Variants in CCDC88C observed in about 807,000 individuals in gnomAD.
The protein encoded by CCDC88C is coiled-coil and HOOK domain protein 88C, also known as protein Daple.
CCDC88C carries 131 observed loss-of-function variants against 198.8 expected under a neutral mutation model. The observed-to-expected ratio is 0.66, with a 90% CI of 0.57 to 0.76. The LOEUF (loss-of-function observed/expected upper bound fraction) is 0.76, where lower values mean the gene tolerates loss of function less well. CCDC88C is among the 30% of genes least tolerant of loss of function. The pLI is 0.00. For missense variants in CCDC88C, 2,553 were observed against 2,631.6 expected (o/e 0.97, Z 0.65); for synonymous variants, 1,166 against 1,114.7 (o/e 1.05, Z -0.92).
intron 15 of CCDC88C, among the ~76,000 whole-genome samples, chr14:91,311,810 C>A (rs10131829): frequency 2.6e-5 from 4 of 152,154 alleles, no homozygotes; most frequent in Admixed American, 2.6e-4. Flanking sequence ...GAGACTAACA[C>A]GTTCACACTC....
chr14:91,312,888 G>C (rs774285105), intron 15 of CCDC88C, among the ~76,000 whole-genome samples, 192 bp downstream of exon 15: 1 of 152,210 alleles, frequency 6.6e-6, no homozygotes, highest in African/African-American at 2.4e-5. Context: ...TATGAGAAGC[G>C]TTATCTCTGG....
rs4904766 is a variant in CCDC88C, at chr14:91,346,158, T to C, written c.341-2501A>G. On this transcript the variant is annotated intron_variant, in intron 4 of 29. Coordinates refer to ENST00000389857, the MANE Select transcript of CCDC88C (RefSeq NM_001080414.4). ...CCTGGGTATAAGTAGTGAATGAATA[T>C]GCGACCTCCTCCTAAGACCCCTCAA... 4.1e-3 allele frequency among the ~76,000 whole-genome samples: 627 copies of C among 152,328 alleles called. 1 individual carries two copies. Among genetic ancestry groups the C allele is most frequent in the Middle Eastern group, 0.01 (3 of 294 alleles).
chr14:91,302,011 G>C (rs1047111535), intron 20 of CCDC88C, among the ~76,000 whole-genome samples: 2 of 152,216 alleles, frequency 1.3e-5, no homozygotes, highest in African/African-American at 4.8e-5. Context: ...TAGTCTTATA[G>C]TTTCAGATGC....
In CCDC88C at chr14:91,338,806, T is replaced by A. The variant is rs1178781126; in HGVS notation, c.810-236A>T. 6 of 537,576 alleles carry A rather than the reference T, an allele frequency of 1.1e-5. No homozygotes were observed. The highest frequency in any genetic ancestry group is 2.0e-5 in the Non-Finnish European group (6 of 297,670). 33.3% of individuals were successfully genotyped at this position (537,576 alleles called of 1,614,324 possible). On this transcript the variant is annotated intron_variant, in intron 8 of 29. Transcript: ENST00000389857. This position sits in a 1 kb window ranked among gnomAD's most constrained non-coding sequence, Gnocchi z 4.8. ...TGTCCATCCGCCACTCAGGTCTCCC[T>A]CCCTGTGTGTGGGGCAGGTAAGGAG...
chr14:91,357,888 A>G (rs533845085), intron 4 of CCDC88C, among the ~76,000 whole-genome samples: 10 of 152,246 alleles, frequency 6.6e-5, no homozygotes, highest in Non-Finnish European at 1.0e-4. Context: ...CTGGCAGGGG[A>G]GCAGAACCAA....
At position 91,313,898 on chromosome 14, in the gene CCDC88C, G is replaced by A. The variant is rs1258213462; in HGVS notation, c.1918C>T (p.Leu640Phe). Residue 640 changes from leucine (L) to phenylalanine (F), a missense_variant, in exon 15 of 30, where the codon CTC (leucine) becomes TTC (phenylalanine). By Grantham distance (22) the Leu-to-Phe change is conservative. Around this residue, in one of 2 missense-constraint regions of CCDC88C, gnomAD observed 1,260 missense variants for 1,412.0 expected, o/e 0.89. Transcript: ENST00000389857. This position sits in a 1 kb window ranked among gnomAD's most constrained non-coding sequence, Gnocchi z 5.2. The part of the protein sequence containing the change: ...AEKLERELQR[L>F]QEENGRLARK... ...GCCAGCCTCCCGTTCTCCTCCTGGA[G>A]TCGCTGTAGCTCCCTCTCCAGCTTC... 1 of 1,610,560 alleles carries A rather than the reference G, an allele frequency of 6.2e-7. No homozygotes were observed. Among genetic ancestry groups the A allele is most frequent in the Non-Finnish European group, 8.5e-7 (1 of 1,179,364 alleles).
intron 19 of CCDC88C, among the ~76,000 whole-genome samples, chr14:91,304,202 C>T (rs1042853882): frequency 1.3e-5 from 2 of 152,216 alleles, no homozygotes; most frequent in Admixed American, 6.5e-5. Flanking sequence ...CTGAGCCACT[C>T]GCCACAAATG....
intron 4 of CCDC88C, among the ~76,000 whole-genome samples, chr14:91,344,970 AT>A (rs1893470668): frequency 6.6e-6 from 1 of 150,524 alleles, no homozygotes; most frequent in Admixed American, 6.6e-5. Flanking sequence ...TAACTTTTGT[AT>A]TTTTTGTAGA....
At chr14:91,348,743 T>C (rs1055100164) in intron 4 of CCDC88C, among the ~76,000 whole-genome samples, 1 of 152,192 alleles carries the variant, frequency 6.6e-6, no homozygotes, top group Non-Finnish European at 1.5e-5. Flanking sequence ...GAGAATTAAG[T>C]TTAGAAAAAT....
chr14:91,293,581 T>TCGCCTGCCACGGCCTACCTTCCTGC (rs1567055999), intron 23 of CCDC88C, among the ~76,000 whole-genome samples: 4 of 27,964 alleles, frequency 1.4e-4, no homozygotes, highest in African/African-American at 5.6e-4. Context: ...CACCTTCCTG[T>TCGCCTGCCACGGCCTACCTTCCTGC]CCCCTCGCCT....
intron 12 of CCDC88C, among the ~76,000 whole-genome samples, chr14:91,323,878 C>T (rs1767540347): frequency 6.6e-6 from 1 of 152,280 alleles, no homozygotes; most frequent in African/African-American, 2.4e-5. Context: ...GCTAACTTCT[C>T]ACACAGATTC....
intron 6 of CCDC88C, among the ~76,000 whole-genome samples, chr14:91,341,807 GCTC>G (rs902286307): frequency 6.6e-6 from 1 of 152,210 alleles, no homozygotes; most frequent in African/African-American, 2.4e-5. Flanking sequence ...AAGGCCAGGG[GCTC>G]CTCCTCCTCC....
intron 16 of CCDC88C, among the ~76,000 whole-genome samples, chr14:91,309,545 C>T (rs75170127): frequency 0.054 from 7,772 of 144,280 alleles, 241 homozygotes; most frequent in Non-Finnish European, 0.075. Context: ...GGGAGGTGGA[C>T]ATGGAGGTAA....
chr14:91,313,068 G>A lies in CCDC88C; in HGVS notation c.2736+12C>T, dbSNP rs761524251. On this transcript the variant is annotated intron_variant, in intron 15 of 29. Transcript: ENST00000389857. This position sits in a 1 kb window ranked among gnomAD's most constrained non-coding sequence, Gnocchi z 5.2. ...GCCAATCCCCTTACAGGCGCCGCCT[G>A]TGTTTGCTCACCTCCCTCAGAGTTG... The A allele has an allele frequency of 4.5e-6, 7 of 1,563,336 alleles. No homozygotes were observed. In the East Asian group the frequency reaches 9.0e-5, roughly 20 times the overall value.
At chr14:91,302,091 A>C (rs1891321677) in intron 20 of CCDC88C, among the ~76,000 whole-genome samples, 2 of 152,196 alleles carry the variant, frequency 1.3e-5, no homozygotes, top group Admixed American at 1.3e-4. Context: ...AGAGACAAAA[A>C]GGAAGCACTT....
At position 91,338,859 on chromosome 14, in the gene CCDC88C, AGCCAG is replaced by A. The variant is rs1194879544; in HGVS notation, c.810-294_810-290del. 1 of 496,640 alleles carries A rather than the reference AGCCAG, an allele frequency of 2.0e-6. No homozygotes were observed. The highest frequency in any genetic ancestry group is 1.9e-5 in the African/African-American group (1 of 51,632). The allele number at this position is 496,640 out of a possible 1,614,324, so 30.8% of individuals were successfully genotyped here. ...CCCAGCGGCAGCTGTACCACCCCACAGCCAGGCTCCACAGGTGACATCCATCAGCT... is the reference window on the plus strand; with the variant it reads ...CCCAGCGGCAGCTGTACCACCCCACAGCTCCACAGGTGACATCCATCAGCT... On this transcript the variant is annotated intron_variant, in intron 8 of 29. Coordinates refer to ENST00000389857, the MANE Select transcript of CCDC88C (RefSeq NM_001080414.4). The surrounding 1 kb of genome is among the most constrained non-coding windows in gnomAD (Gnocchi z 4.8).
Position 91,315,639 on chromosome 14 carries a change from G to A in CCDC88C, c.1665+11C>T. 1 of 1,613,736 alleles carries A rather than the reference G, an allele frequency of 6.2e-7. No individual in the cohort carries two copies. Among genetic ancestry groups the A allele is most frequent in the Non-Finnish European group, 8.5e-7 (1 of 1,179,816 alleles). On this transcript the variant is annotated intron_variant, in intron 14 of 29. Transcript: ENST00000389857. ...GGTTCTAGGAGAGGCGTTAGTGGTGGAGGCACCTACCTGCCTGGCTTTGTC... is the reference window on the plus strand; with the variant it reads ...GGTTCTAGGAGAGGCGTTAGTGGTGAAGGCACCTACCTGCCTGGCTTTGTC...
intron 20 of CCDC88C, among the ~76,000 whole-genome samples, chr14:91,300,395 C>A (rs936027295): frequency 2.0e-5 from 3 of 152,226 alleles, no homozygotes; most frequent in African/African-American, 7.2e-5. Flanking sequence ...GAGCTCCATG[C>A]CCTTCTCTTT....
At chr14:91,286,945 A>G (rs1890433461) in intron 25 of CCDC88C, among the ~76,000 whole-genome samples, 1 of 152,212 alleles carries the variant, frequency 6.6e-6, no homozygotes, top group South Asian at 2.1e-4. Context: ...AGATGCATAA[A>G]GCACATAAAG....
Sources: gnomAD v4.1 joint callset for allele counts (sites outside exome capture counted in the v4.1 genomes callset) on GRCh38, gnomAD v4.1.1 for gene constraint, gnomAD v4.1.1 regional missense constraint, Gnocchi (gnomAD v3.1) non-coding constraint, MANE v1.5 for transcripts, NCBI Gene and HGNC (gene_info 2026-07-23, HGNC 2026-07-21) for gene names.